KMT2C: variants seen among roughly 807,000 people sequenced by gnomAD.
KMT2C encodes histone-lysine N-methyltransferase 2C.
KMT2C carries 88 observed loss-of-function variants against 507.9 expected under a neutral mutation model. The observed-to-expected ratio is 0.17, with a 90% CI of 0.15 to 0.21. The LOEUF (loss-of-function observed/expected upper bound fraction) is 0.21. Among genes scored for constraint, KMT2C ranks in the 10% least tolerant of loss-of-function variants. The probability of loss-of-function intolerance (pLI) is 1.00; values close to 1 mark genes in which losing one functional copy is unlikely to be tolerated. For missense variants in KMT2C, 4,954 were observed against 5,957.8 expected, an observed-to-expected ratio of 0.83 and a Z score of 5.55; for synonymous variants, 2,049 against 2,080.8, an observed-to-expected ratio of 0.98 and a Z score of 0.42.
At chr7:152,407,599 G>C (rs1721913506) in intron 1 of KMT2C, among the ~76,000 whole-genome samples, 2 of 152,130 alleles carry the variant, frequency 1.3e-5, no homozygotes, top group South Asian at 2.1e-4. Flanking sequence ...TTGAACCCGA[G>C]GGGCGAAGGC....
intron 14 of KMT2C, among the ~76,000 whole-genome samples, chr7:152,240,767 T>C (rs1298443918): frequency 3.3e-5 from 5 of 152,196 alleles, no homozygotes; most frequent in African/African-American, 1.2e-4. Context: ...TCAAGACTTT[T>C]TATCTTCAAG....
intron 3 of KMT2C, among the ~76,000 whole-genome samples, chr7:152,319,260 T>C (rs1188752300): frequency 6.6e-6 from 1 of 152,138 alleles, no homozygotes; most frequent in Non-Finnish European, 1.5e-5. Flanking sequence ...ATAGATATGA[T>C]TATACATGAA....
intron 37 of KMT2C, 151 bp from the exon 38 acceptor site, chr7:152,178,161 T>A: frequency 1.2e-6 from 1 of 808,850 alleles, no homozygotes; most frequent in Non-Finnish European, 1.7e-6. Flanking sequence ...CTATCACCAT[T>A]AAAAAGTATT....
intron 1 of KMT2C, among the ~76,000 whole-genome samples, chr7:152,369,097 C>T (rs974085933): frequency 3.3e-5 from 5 of 151,748 alleles, no homozygotes; most frequent in African/African-American, 9.7e-5. Context: ...CCAAGGCAGG[C>T]AGATCACTTG....
rs1427980543 is a variant in KMT2C, at chr7:152,145,964, C to T, written c.14031+635G>A. ...GGCGATTCCAAAGAAAACAATTAGG[C>T]ACATTACTCAGTGGCTTTTGGGGTT... On this transcript the variant is annotated intron_variant, in intron 53 of 58. Coordinates refer to ENST00000262189, the MANE Select transcript of KMT2C (RefSeq NM_170606.3). 2.0e-5 allele frequency among the ~76,000 whole-genome samples: 3 copies of T among 152,274 alleles called. No homozygotes were observed. The East Asian group carries it at 5.8e-4, about 29-fold the overall frequency.
chr7:152,315,645 A>C (rs1315797872), intron 3 of KMT2C, among the ~76,000 whole-genome samples: 1 of 152,208 alleles, frequency 6.6e-6, no homozygotes, highest in Non-Finnish European at 1.5e-5. Flanking sequence ...TCCAAGTAAG[A>C]AAGCTAAAGG....
At chr7:152,336,610 G>C (rs2096938165) in intron 2 of KMT2C, among the ~76,000 whole-genome samples, 1 of 152,126 alleles carries the variant, frequency 6.6e-6, no homozygotes, top group South Asian at 2.1e-4. Flanking sequence ...AAAGAAGCTA[G>C]CCATTCAACC....
intron 18 of KMT2C, among the ~76,000 whole-genome samples, chr7:152,226,016 G>A (rs1417625513): frequency 1.3e-5 from 2 of 152,078 alleles, no homozygotes; most frequent in Admixed American, 6.6e-5. Flanking sequence ...GGAGAAGGAT[G>A]GAGGTGTATT....
intron 9 of KMT2C, among the ~76,000 whole-genome samples, chr7:152,259,339 A>G (rs1482631206): frequency 5.9e-5 from 9 of 151,970 alleles, no homozygotes; most frequent in African/African-American, 1.9e-4. Context: ...TCCTACTATT[A>G]AGAAATACAT....
In KMT2C at chr7:152,181,527, A is replaced by G; in HGVS notation, c.6333T>C (p.His2111=). 6.2e-7 allele frequency: 1 copy of G among 1,614,056 alleles called. No homozygotes were observed. The highest frequency in any genetic ancestry group is 8.5e-7 in the Non-Finnish European group (1 of 1,179,992). Residue 2111 remains histidine, a synonymous_variant, in exon 36 of 59, where the codon CAT becomes CAC. Coordinates refer to ENST00000262189, the MANE Select transcript of KMT2C (RefSeq NM_170606.3). The part of the protein sequence containing the change: ...PHPAVNESFA[H]PSRAFSQPGT... ...CAGGCTGGGAAAAAGCCCTTGAAGG[A>G]TGGGCAAAAGATTCATTCACTGCTG...
chr7:152,305,100 A>T (rs926837351), intron 6 of KMT2C, among the ~76,000 whole-genome samples: 1 of 152,188 alleles, frequency 6.6e-6, no homozygotes, highest in Non-Finnish European at 1.5e-5. Context: ...TCCATGAATG[A>T]TCTTCAGTGC....
At chr7:152,337,082 C>A (rs2096942552) in intron 2 of KMT2C, among the ~76,000 whole-genome samples, 2 of 152,120 alleles carry the variant, frequency 1.3e-5, no homozygotes, top group African/African-American at 4.8e-5. Context: ...CCCAGAAGTT[C>A]AAGACCAGCC....
At chr7:152,239,570 G>C (rs1427040595) in intron 14 of KMT2C, among the ~76,000 whole-genome samples, 2 of 152,098 alleles carry the variant, frequency 1.3e-5, no homozygotes, top group Non-Finnish European at 1.5e-5. Flanking sequence ...AAATTATATA[G>C]AAAGTAGTAT....
In KMT2C at chr7:152,194,467, G is replaced by A. The variant is rs2129129620; in HGVS notation, c.4480C>T (p.Pro1494Ser). Reference protein sequence around the residue: ...SEEQLDGILSPELDKMVTDGA... With the variant: ...SEEQLDGILSSELDKMVTDGA... ...TCTGTGACCATTTTGTCTAGTTCAG[G>A]ACTGAGGATCCCATCTAGCTGTTCT... The change falls in exon 29 of 59, where the codon CCT becomes TCT. Residue 1494 changes from proline (P) to serine (S), a missense_variant. Pro to Ser is a moderately conservative substitution (Grantham distance 74). This residue lies in a region of KMT2C where 6 missense variants were observed against 20.8 expected (regional missense o/e 0.29). Coordinates refer to ENST00000262189, the MANE Select transcript of KMT2C (RefSeq NM_170606.3). 6.2e-7 allele frequency: 1 copy of A among 1,613,532 alleles called. No individual in the cohort carries two copies. The highest frequency in any genetic ancestry group is 8.5e-7 in the Non-Finnish European group (1 of 1,179,624).
At chr7:152,410,088 CCT>C (rs1333987415) in intron 1 of KMT2C, among the ~76,000 whole-genome samples, 5 of 152,168 alleles carry the variant, frequency 3.3e-5, no homozygotes, top group Non-Finnish European at 5.9e-5. Context: ...TTGTTCTTTC[CCT>C]GTTTACAAAC....
chr7:152,332,521 CCTTT>C (rs1286048935), intron 2 of KMT2C, among the ~76,000 whole-genome samples: 1 of 152,154 alleles, frequency 6.6e-6, no homozygotes, highest in Non-Finnish European at 1.5e-5. Context: ...TTCAACTATA[CCTTT>C]CTAATTGTAT....
intron 6 of KMT2C, among the ~76,000 whole-genome samples, chr7:152,275,438 G>C (rs1226451857): frequency 1.3e-5 from 2 of 152,134 alleles, no homozygotes; most frequent in Non-Finnish European, 2.9e-5. Context: ...CAGCTACTTG[G>C]GAGGCTGAAG....
intron 2 of KMT2C, among the ~76,000 whole-genome samples, chr7:152,355,191 T>C (rs2097142348): frequency 6.6e-6 from 1 of 152,160 alleles, no homozygotes; most frequent in Non-Finnish European, 1.5e-5. Context: ...TGTGAAAATG[T>C]GAAATCAAGA....
At position 152,368,505 on chromosome 7, in the gene KMT2C, A is replaced by G. The variant is rs981023711; in HGVS notation, c.162-9830T>C. On this transcript the variant is annotated intron_variant, in intron 1 of 58. Coordinates refer to ENST00000262189, the MANE Select transcript of KMT2C (RefSeq NM_170606.3). ...CTGAGCTCCAGTGGCGCCGTGAGCT[A>G]ATGAAAAAGAATTTGGAAGCACAGC... 1.4e-5 allele frequency: 18 copies of G among 1,323,578 alleles called. No individual in the cohort carries two copies. In the Admixed American group the frequency reaches 2.4e-4, roughly 17 times the overall value. 82.0% of individuals were successfully genotyped at this position (1,323,578 alleles called of 1,614,324 possible).
Sources: gnomAD v4.1 joint callset for allele counts (sites outside exome capture counted in the v4.1 genomes callset) on GRCh38, gnomAD v4.1.1 for gene constraint, gnomAD v4.1.1 regional missense constraint, MANE v1.5 for transcripts, NCBI Gene and HGNC (gene_info 2026-07-23, HGNC 2026-07-21) for gene names.